PKP4: variants seen among roughly 807,000 people sequenced by gnomAD.
The protein encoded by PKP4 is plakophilin-4.
PKP4 carries 90 observed loss-of-function variants against 145.1 expected under a neutral mutation model. That is an observed-to-expected ratio of 0.62 (90% CI 0.52 to 0.74). The LOEUF (loss-of-function observed/expected upper bound fraction) is 0.74, where lower values mean the gene tolerates loss of function less well. Among genes scored for constraint, PKP4 ranks in the 30% least tolerant of loss-of-function variants. The probability of loss-of-function intolerance (pLI) is 0.00; values close to 1 mark genes in which losing one functional copy is unlikely to be tolerated. For synonymous variants in PKP4, 563 were observed against 577.2 expected (o/e 0.98, Z 0.35); for missense variants, 1,340 against 1,482.7 (o/e 0.90, Z 1.58).
At chr2:158,530,640 A>G (rs1269911782) in intron 1 of PKP4, among the ~76,000 whole-genome samples, 1 of 151,202 alleles carries the variant, frequency 6.6e-6, no homozygotes, top group Non-Finnish European at 1.5e-5. Flanking sequence ...TGGATAGGAA[A>G]CCTTCATAGG....
intron 1 of PKP4, among the ~76,000 whole-genome samples, chr2:158,498,135 G>A (rs1012825866): frequency 6.6e-6 from 1 of 152,126 alleles, no homozygotes; most frequent in Non-Finnish European, 1.5e-5. Flanking sequence ...TGCAGCTTTT[G>A]ACACATTTTT....
intron 1 of PKP4, among the ~76,000 whole-genome samples, chr2:158,526,036 G>A (rs1223181429): frequency 6.6e-6 from 1 of 151,716 alleles, no homozygotes; most frequent in Non-Finnish European, 1.5e-5. Flanking sequence ...TGGATTCACA[G>A]CCGAATTCTA....
At position 158,603,553 on chromosome 2, in the gene PKP4, T is replaced by C. The variant is rs527874964; in HGVS notation, c.280+449T>C. Among the ~76,000 whole-genome samples the C allele has an allele frequency of 2.2e-4, 34 of 152,294 alleles. 1 individual carries two copies. In the South Asian group the frequency reaches 6.4e-3, roughly 29 times the overall value. Reference sequence around the variant, plus strand: ...TCTAACATAGTGTGGTAGCTTTCCATGTAGTCTCTCTATCTTTTCTTTTTA... The same window carrying C: ...TCTAACATAGTGTGGTAGCTTTCCACGTAGTCTCTCTATCTTTTCTTTTTA... On this transcript the variant is annotated intron_variant, in intron 4 of 21. Coordinates refer to ENST00000389759, the MANE Select transcript of PKP4 (RefSeq NM_003628.6).
chr2:158,680,995 A>G lies in PKP4; in HGVS notation c.*318A>G, dbSNP rs938523107. On this transcript the variant is annotated 3_prime_UTR_variant, in exon 22 of 22. Coordinates refer to ENST00000389759, the MANE Select transcript of PKP4 (RefSeq NM_003628.6). The stretch of plus-strand genomic sequence containing the variant: ...ATATGTAGGTCAAATCAAATTAAAG[A>G]TGATTTTTTTAATGTGAATAAAGTT... The G allele has an allele frequency of 4.2e-6, 1 of 237,704 alleles. No homozygotes were observed. Among genetic ancestry groups the G allele is most frequent in the Middle Eastern group, 1.3e-3 (1 of 746 alleles). The allele number at this position is 237,704 out of a possible 1,614,324, so 14.7% of individuals were successfully genotyped here.
At chr2:158,604,754 A>T (rs912822020) in intron 4 of PKP4, among the ~76,000 whole-genome samples, 3 of 152,218 alleles carry the variant, frequency 2.0e-5, no homozygotes, top group African/African-American at 7.2e-5. Context: ...CTCAATAAGC[A>T]TTTAGAAATG....
At chr2:158,620,903 G>C in intron 4 of PKP4, 87 bp from the exon 5 acceptor site, 5 of 1,105,772 alleles carry the variant, frequency 4.5e-6, no homozygotes, top group Non-Finnish European at 6.8e-6. Flanking sequence ...TAGATTCTAA[G>C]ATGCTGTTGA....
Position 158,577,293 on chromosome 2 carries a change from C to A in PKP4, c.155C>A (p.Thr52Asn), listed in dbSNP as rs1196953288. 1.9e-6 allele frequency: 3 copies of A among 1,612,874 alleles called. No individual in the cohort carries two copies. Among genetic ancestry groups the A allele is most frequent in the Non-Finnish European group, 1.7e-6 (2 of 1,179,522 alleles). ...KEQELQFQRL[T>N]RELEVERQIV... ...CAGGAGCTTCAGTTTCAGCGACTCA[C>A]CCGAGAACTGGAAGTGGAAAGGCAG... The change falls in exon 3 of 22, where the codon ACC becomes AAC. Residue 52 changes from threonine (T) to asparagine (N), a missense_variant. Thr to Asn is a moderately conservative substitution (Grantham distance 65). Coordinates refer to ENST00000389759, the MANE Select transcript of PKP4 (RefSeq NM_003628.6).
At position 158,580,165 on chromosome 2, in the gene PKP4, A is replaced by G. The variant is rs148252609; in HGVS notation, c.245+2782A>G. On this transcript the variant is annotated intron_variant, in intron 3 of 21. Transcript: ENST00000389759. Reference sequence around the variant, plus strand: ...TTATGTTCTGGACTTGTGAATTTTAAAATGTTAAATAATTTTAAGGCTATA... The same window carrying G: ...TTATGTTCTGGACTTGTGAATTTTAGAATGTTAAATAATTTTAAGGCTATA... 1.9e-4 allele frequency among the ~76,000 whole-genome samples: 29 copies of G among 152,312 alleles called. No homozygotes were observed. The East Asian group carries it at 5.6e-3, about 29-fold the overall frequency.
At chr2:158,459,798 C>CACACACACACACACG (rs1196144140) in intron 1 of PKP4, among the ~76,000 whole-genome samples, 2 of 151,762 alleles carry the variant, frequency 1.3e-5, no homozygotes, top group Admixed American at 6.6e-5. Flanking sequence ...ATCACACACA[C>CACACACACACACACG]ACACACACAC....
Position 158,680,800 on chromosome 2 carries a change from G to GT in PKP4, c.*133dup, listed in dbSNP as rs564419805. On this transcript the variant is annotated 3_prime_UTR_variant, in exon 22 of 22. Coordinates refer to ENST00000389759, the MANE Select transcript of PKP4 (RefSeq NM_003628.6). ...GAAGTGGAAGGAATGAATGAAGTGT[G>GT]TTTTTTTTTTCTTTTTTGAGGAATT... 0.032 allele frequency: 24,040 copies of GT among 746,024 alleles called. No individual in the cohort carries two copies. Among genetic ancestry groups the GT allele is most frequent in the South Asian group, 0.043 (1,895 of 44,158 alleles). The allele number at this position is 746,024 out of a possible 1,614,324, so 46.2% of individuals were successfully genotyped here.
intron 1 of PKP4, among the ~76,000 whole-genome samples, chr2:158,511,853 A>G (rs1273575340): frequency 6.6e-6 from 1 of 152,172 alleles, no homozygotes; most frequent in Admixed American, 6.5e-5. Flanking sequence ...GTCATGAAAG[A>G]TACCCTACTC....
rs527289518 is a variant in PKP4, at chr2:158,589,488, C to G, written c.245+12105C>G. ...CCGAGGCATCTGTGAGAGTCCTCGT[C>G]TCCAGCCCCACCTCCACTACCACTA... On this transcript the variant is annotated intron_variant, in intron 3 of 21. Coordinates refer to ENST00000389759, the MANE Select transcript of PKP4 (RefSeq NM_003628.6). Among the ~76,000 whole-genome samples the G allele has an allele frequency of 2.0e-5, 3 of 152,306 alleles. No homozygotes were observed. The East Asian group carries it at 5.8e-4, about 29-fold the overall frequency.
intron 4 of PKP4, among the ~76,000 whole-genome samples, chr2:158,605,703 A>G (rs2050600964): frequency 1.3e-5 from 2 of 152,234 alleles, no homozygotes; most frequent in Non-Finnish European, 1.5e-5. Context: ...TTTTTTTAGT[A>G]TATTCTGACT....
intron 16 of PKP4, 135 bp downstream of exon 16, chr2:158,666,698 T>C: frequency 1.5e-6 from 1 of 658,048 alleles, no homozygotes; most frequent in Non-Finnish European, 2.4e-6. Context: ...TCTTGGCATA[T>C]TTGAGTACTC....
chr2:158,538,480 G>C (rs1171272255), intron 2 of PKP4, among the ~76,000 whole-genome samples: 3 of 149,142 alleles, frequency 2.0e-5, no homozygotes, highest in Non-Finnish European at 3.0e-5. Flanking sequence ...AAAGTTGCTT[G>C]AATAATTGAG....
rs2105826688 is a variant in PKP4 at position 158,594,148 on chromosome 2, A to G, written c.246-8922A>G. Among the ~76,000 whole-genome samples the G allele has an allele frequency of 1.3e-5, 2 of 152,204 alleles. 1 individual carries two copies. The highest frequency in any genetic ancestry group is 3.9e-4 in the East Asian group (2 of 5,176). On this transcript the variant is annotated intron_variant, in intron 3 of 21. Transcript: ENST00000389759. Reference sequence around the variant, plus strand: ...GTTTGCTCATTCTGTTGGTCACACCAGTGGTTGGGTTTGGAGTGGAGATGG... The same window carrying G: ...GTTTGCTCATTCTGTTGGTCACACCGGTGGTTGGGTTTGGAGTGGAGATGG...
At chr2:158,604,017 A>T (rs1357359792) in intron 4 of PKP4, among the ~76,000 whole-genome samples, 2 of 152,228 alleles carry the variant, frequency 1.3e-5, no homozygotes, top group Admixed American at 6.5e-5. Flanking sequence ...CGTTAACTCA[A>T]ACTGTTGATG....
intron 1 of PKP4, among the ~76,000 whole-genome samples, chr2:158,486,794 T>C (rs568788411): frequency 3.3e-5 from 5 of 152,222 alleles, no homozygotes; most frequent in Non-Finnish European, 7.3e-5. Context: ...AAAGTCATTC[T>C]CCCTTGCTTG....
At chr2:158,565,527 T>C (rs2046901537) in intron 2 of PKP4, among the ~76,000 whole-genome samples, 1 of 148,000 alleles carries the variant, frequency 6.8e-6, no homozygotes. Context: ...AAACAGGGAG[T>C]ATGCAGATAT....
Sources: gnomAD v4.1 joint callset for allele counts (sites outside exome capture counted in the v4.1 genomes callset) on GRCh38, gnomAD v4.1.1 for gene constraint, MANE v1.5 for transcripts, NCBI Gene and HGNC (gene_info 2026-07-23, HGNC 2026-07-21) for gene names.